SIPA1: variants seen among roughly 807,000 people sequenced by gnomAD.
SIPA1 encodes the protein signal-induced proliferation-associated protein 1.
A neutral mutation model predicts 88.1 loss-of-function variants in SIPA1; 51 were observed. The ratio of observed to expected loss-of-function variants is 0.58; its 90% confidence interval spans 0.46 to 0.73. The LOEUF (loss-of-function observed/expected upper bound fraction) is 0.73, where lower values mean the gene tolerates loss of function less well. Ranked by LOEUF, SIPA1 falls within the 30% of genes least tolerant of loss-of-function variation. SIPA1 has a pLI of 0.00. For synonymous variants in SIPA1, 681 were observed against 664.8 expected (o/e 1.02, Z -0.37); for missense variants, 1,348 against 1,467.6 (o/e 0.92, Z 1.33).
chr11:65,645,425 C>T (rs1422885289), intron 5 of SIPA1, among the ~76,000 whole-genome samples: 3 of 152,092 alleles, frequency 2.0e-5, no homozygotes, highest in Non-Finnish European at 4.4e-5. Flanking sequence ...GAGAGGTGCC[C>T]CTACCTCCCT....
rs1327448384 is a variant in SIPA1, at chr11:65,650,837, C to T, written c.*122C>T. ...CCCTCCCTAGCCCCTTATTTGGTGG[C>T]GGAAGTGGCCTCCACCCCTTCCCTG... On this transcript the variant is annotated 3_prime_UTR_variant, in exon 16 of 16. Transcript: ENST00000534313. The T allele has an allele frequency of 7.2e-6, 8 of 1,103,536 alleles. No homozygotes were observed. The highest frequency in any genetic ancestry group is 3.5e-5 in the South Asian group (2 of 57,598). 68.4% of individuals were successfully genotyped at this position (1,103,536 alleles called of 1,614,324 possible).
intron 1 of SIPA1, among the ~76,000 whole-genome samples, chr11:65,639,483 T>TAGA (rs1419635651): frequency 6.6e-6 from 1 of 152,156 alleles, no homozygotes; most frequent in Non-Finnish European, 1.5e-5. Flanking sequence ...GAAATCAAGG[T>TAGA]AGAAGCACCT....
chr11:65,648,659 C>A (rs1856186913), intron 9 of SIPA1, among the ~76,000 whole-genome samples: 1 of 151,840 alleles, frequency 6.6e-6, no homozygotes, highest in Non-Finnish European at 1.5e-5. Context: ...CATGCTGAAA[C>A]CCGTCTCTAG....
In SIPA1 at chr11:65,650,718, C is replaced by A. The variant is rs748164933; in HGVS notation, c.*3C>A. The A allele has an allele frequency of 1.9e-6, 3 of 1,566,704 alleles. No homozygotes were observed. In the Middle Eastern group the frequency reaches 5.0e-4, roughly 264 times the overall value. On this transcript the variant is annotated 3_prime_UTR_variant, in exon 16 of 16. Coordinates refer to ENST00000534313, the MANE Select transcript of SIPA1 (RefSeq NM_006747.4). The stretch of plus-strand genomic sequence containing the variant: ...CACCCACCGCCGACCTGGCCTGAGC[C>A]GTCTGGAACCACCTGGGCCCCTGAG...
Position 65,645,084 on chromosome 11 carries a change from C to G in SIPA1, c.1114C>G (p.Arg372Gly). 6.2e-7 allele frequency: 1 copy of G among 1,614,002 alleles called. No homozygotes were observed. The highest frequency in any genetic ancestry group is 8.5e-7 in the Non-Finnish European group (1 of 1,179,898). The change falls in exon 5 of 16, where the codon CGG becomes GGG. Residue 372 changes from arginine (R) to glycine (G), a missense_variant. By Grantham distance (125) the Arg-to-Gly change is moderately radical. This residue lies in a region of SIPA1 where 641 missense variants were observed against 797.7 expected (regional missense o/e 0.80). Coordinates refer to ENST00000534313, the MANE Select transcript of SIPA1 (RefSeq NM_006747.4). ...TCTCACCTTGCTGGGCGATGTGGTGCGGCTCAAAGGCTTTGAGAGTTACCG... is the reference window on the plus strand; with the variant it reads ...TCTCACCTTGCTGGGCGATGTGGTGGGGCTCAAAGGCTTTGAGAGTTACCG... ...QFLTLLGDVV[R>G]LKGFESYRAQ...
rs1489445605 is a variant in SIPA1, at chr11:65,647,508, C to G, written c.2156C>G (p.Thr719Arg). The G allele has an allele frequency of 4.3e-6, 6 of 1,400,102 alleles. No individual in the cohort carries two copies. Among genetic ancestry groups the G allele is most frequent in the Non-Finnish European group, 5.5e-6 (6 of 1,081,326 alleles). The allele number at this position is 1,400,102 out of a possible 1,614,324, so 86.7% of individuals were successfully genotyped here. ...THVERFTFAE[T>R]AGLRPGARLL... Reference sequence around the variant, plus strand: ...GTGGAGCGCTTCACATTCGCCGAGACGGCGGGGCTGCGGCCCGGGGCGCGC... The same window carrying G: ...GTGGAGCGCTTCACATTCGCCGAGAGGGCGGGGCTGCGGCCCGGGGCGCGC... The change falls in exon 9 of 16, where the codon ACG becomes AGG. Residue 719 changes from threonine (T) to arginine (R), a missense_variant. This residue lies in a region of SIPA1 where 615 missense variants were observed against 559.8 expected (regional missense o/e 1.10). Coordinates refer to ENST00000534313, the MANE Select transcript of SIPA1 (RefSeq NM_006747.4).
Position 65,650,629 on chromosome 11 carries a change from C to G in SIPA1, c.3043C>G (p.Arg1015Gly), listed in dbSNP as rs532009565. The G allele has an allele frequency of 6.4e-7, 1 of 1,572,646 alleles. No individual in the cohort carries two copies. The highest frequency in any genetic ancestry group is 8.6e-7 in the Non-Finnish European group (1 of 1,159,038). Reference protein sequence around the residue: ...EVRSLRHNNRRLQAESESAAT... With the variant: ...EVRSLRHNNRGLQAESESAAT... ...GCGGAGCCTGAGACACAACAACCGG[C>G]GGCTGCAGGCGGAGTCTGAGAGTGC... The change falls in exon 16 of 16, where the codon CGG becomes GGG. Residue 1015 changes from arginine (R) to glycine (G), a missense_variant. Transcript: ENST00000534313.
At chr11:65,648,738 C>CAGG (rs1856188566) in intron 9 of SIPA1, among the ~76,000 whole-genome samples, 1 of 151,290 alleles carries the variant, frequency 6.6e-6, no homozygotes, top group South Asian at 2.1e-4. Context: ...GAGGCTGAGG[C>CAGG]AGGAAAATCA....
chr11:65,649,655 G>A lies in SIPA1; in HGVS notation c.2620G>A (p.Glu874Lys). ...GCCATCAGTACCCAGTGCTGACAGT[G>A]AGACACCCCTGACCCAGGTGAGCAG... ...AKPSVPSADS[E>K]TPLTQDRPGS... is the part of the protein sequence containing the mutation. Residue 874 changes from glutamate to lysine, a missense_variant, in exon 11 of 16, where the codon GAG becomes AAG. Physicochemically the swap from Glu to Lys is moderately conservative, Grantham distance 56. Coordinates refer to ENST00000534313, the MANE Select transcript of SIPA1 (RefSeq NM_006747.4). The A allele has an allele frequency of 1.2e-6, 2 of 1,614,026 alleles. No individual in the cohort carries two copies. The highest frequency in any genetic ancestry group is 1.7e-6 in the Non-Finnish European group (2 of 1,180,028).
intron 4 of SIPA1, among the ~76,000 whole-genome samples, chr11:65,644,244 G>C (rs779058710): frequency 6.6e-6 from 1 of 151,646 alleles, no homozygotes; most frequent in Non-Finnish European, 1.5e-5. Flanking sequence ...AGCCAGGGAG[G>C]GGGAGGAGCA....
intron 4 of SIPA1, among the ~76,000 whole-genome samples, chr11:65,643,066 C>T (rs567341320): frequency 6.6e-6 from 1 of 152,228 alleles, no homozygotes; most frequent in African/African-American, 2.4e-5. Flanking sequence ...CAGGTGCATG[C>T]CACCACGCCC....
At position 65,649,382 on chromosome 11, in the gene SIPA1, C is replaced by T. The variant is rs375220785; in HGVS notation, c.2427C>T (p.His809=). The T allele has an allele frequency of 4.4e-6, 7 of 1,575,588 alleles. No individual in the cohort carries two copies. In the African/African-American group the frequency reaches 9.5e-5, roughly 21 times the overall value. ...TLLPTTKQLL[H]LCLQDGGSPP... is the part of the protein sequence containing the mutation. ...TGCCCACCACAAAGCAGCTGCTGCA[C>T]CTGTGCCTGCAAGATGGTGGCAGTC... The change falls in exon 10 of 16, where the codon CAC becomes CAT. Residue 809 remains histidine, a synonymous_variant. Transcript: ENST00000534313.
Position 65,646,807 on chromosome 11 carries a change from G to T in SIPA1, c.1773G>T (p.Ala591=). 1 of 1,284,760 alleles carries T rather than the reference G, an allele frequency of 7.8e-7. No individual in the cohort carries two copies. Among genetic ancestry groups the T allele is most frequent in the Non-Finnish European group, 9.8e-7 (1 of 1,017,788 alleles). The allele number at this position is 1,284,760 out of a possible 1,614,324, so 79.6% of individuals were successfully genotyped here. The change falls in exon 8 of 16, where the codon GCG becomes GCT. Residue 591 remains alanine, a synonymous_variant. Transcript: ENST00000534313. The surrounding 1 kb of genome is among the most constrained non-coding windows in gnomAD (Gnocchi z 7.5). ...LVWGVRAAPG[A]RVAAGAQASG... ...GGGGAGTGCGCGCGGCGCCCGGGGC[G>T]CGGGTCGCCGCCGGGGCTCAGGCGA... is the stretch of plus-strand genomic sequence containing the variant.
chr11:65,641,181 G>A lies in SIPA1; in HGVS notation c.260G>A (p.Arg87Gln), dbSNP rs150567727. 9.3e-6 allele frequency: 15 copies of A among 1,610,294 alleles called. No individual in the cohort carries two copies. Among genetic ancestry groups the A allele is most frequent in the African/African-American group, 1.3e-5 (1 of 75,058 alleles). ...EASRPAATST[R>Q]LFTDPLALLG... Reference sequence around the variant, plus strand: ...AGCCGACCTGCAGCCACTTCCACCCGGCTCTTCACTGACCCGCTGGCACTG... The same window carrying A: ...AGCCGACCTGCAGCCACTTCCACCCAGCTCTTCACTGACCCGCTGGCACTG... Residue 87 changes from arginine to glutamine, a missense_variant, in exon 2 of 16, where the codon CGG becomes CAG. Coordinates refer to ENST00000534313, the MANE Select transcript of SIPA1 (RefSeq NM_006747.4).
chr11:65,648,166 C>T (rs910374111), intron 9 of SIPA1, among the ~76,000 whole-genome samples: 3 of 152,150 alleles, frequency 2.0e-5, no homozygotes, highest in Non-Finnish European at 4.4e-5. Context: ...AGTCACCGCG[C>T]CCTGAACCTC....
At chr11:65,647,112 G>C in intron 8 of SIPA1, 47 bp downstream of exon 8, 3 of 1,447,572 alleles carry the variant, frequency 2.1e-6, no homozygotes, top group Non-Finnish European at 9.1e-7. Flanking sequence ...GCGGGGCGGA[G>C]CCTGCTTTGG....
chr11:65,647,874 CTTT>C (rs375391783), intron 9 of SIPA1, among the ~76,000 whole-genome samples: 8 of 143,950 alleles, frequency 5.6e-5, no homozygotes, highest in Middle Eastern at 3.3e-3. Context: ...TCTCCTCTCT[CTTT>C]TTTTTTTTTT....
chr11:65,642,038 G>T lies in SIPA1; in HGVS notation c.680-212G>T. The T allele has an allele frequency of 1.6e-6, 1 of 640,836 alleles. No homozygotes were observed. The highest frequency in any genetic ancestry group is 2.6e-6 in the Non-Finnish European group (1 of 388,460). 39.7% of individuals were successfully genotyped at this position (640,836 alleles called of 1,614,324 possible). On this transcript the variant is annotated intron_variant, in intron 2 of 15. Coordinates refer to ENST00000534313, the MANE Select transcript of SIPA1 (RefSeq NM_006747.4). This position sits in a 1 kb window ranked among gnomAD's most constrained non-coding sequence, Gnocchi z 6.5. ...CAGGATTTAGGCCTGGGAGCTGGCC[G>T]CGTGGGTCTAGGTCTGGGTCTGGGT...
In SIPA1 at chr11:65,642,691, C is replaced by A; in HGVS notation, c.984+52C>A. On this transcript the variant is annotated intron_variant, in intron 4 of 15. Transcript: ENST00000534313. This position sits in a 1 kb window ranked among gnomAD's most constrained non-coding sequence, Gnocchi z 6.5. ...GCCATACAGCTGGCCCCAGTCTGAA[C>A]CCAGCCTGCCCAGCTCCCAAACCCC... 7.0e-7 allele frequency: 1 copy of A among 1,426,730 alleles called. No individual in the cohort carries two copies. Among genetic ancestry groups the A allele is most frequent in the Non-Finnish European group, 9.3e-7 (1 of 1,079,476 alleles). 88.4% of individuals were successfully genotyped at this position (1,426,730 alleles called of 1,614,324 possible).
Sources: allele counts gnomAD v4.1 joint callset (sites outside exome capture counted in the v4.1 genomes callset), GRCh38; gene constraint gnomAD v4.1.1; regional missense constraint gnomAD v4.1.1; non-coding constraint Gnocchi (gnomAD v3.1); transcripts MANE v1.5; gene names NCBI Gene and HGNC (gene_info 2026-07-23, HGNC 2026-07-21).